Variants in AGAP1 observed in about 807,000 individuals in gnomAD.
AGAP1 encodes ArfGAP with GTPase domain, ankyrin repeat and PH domain 1.
AGAP1 carries 29 observed loss-of-function variants against 105.3 expected under a neutral mutation model. The ratio of observed to expected loss-of-function variants is 0.28; its 90% CI spans 0.21 to 0.38. AGAP1 has a LOEUF of 0.38. AGAP1 is among the 10% of genes least tolerant of loss of function. AGAP1 has a pLI of 1.00. For synonymous variants in AGAP1, 509 were observed against 485.9 expected (o/e 1.05, Z -0.63); for missense variants, 998 against 1,165.1 (o/e 0.86, Z 2.09).
rs772070111 is a variant in AGAP1, at chr2:235,964,878, C to T, written c.1484-3584C>T. Among the ~76,000 whole-genome samples, 2 of 152,122 alleles carry T rather than the reference C, an allele frequency of 1.3e-5. No homozygotes were observed. The highest frequency in any genetic ancestry group is 2.9e-5 in the Non-Finnish European group (2 of 68,014). The stretch of plus-strand genomic sequence containing the variant: ...TAAGGTAAGAACTGGACCAGGGGTA[C>T]GTGGTGCTTAAATGGAGAGCAGGCA... On this transcript the variant is annotated intron_variant, in intron 12 of 17. Coordinates refer to ENST00000304032, the MANE Select transcript of AGAP1 (RefSeq NM_001037131.3). The surrounding 1 kb of genome is among the most constrained non-coding windows in gnomAD (Gnocchi z 4.6).
rs901463087 is a variant in AGAP1 at position 236,121,768 on chromosome 2, CAG to C, written c.2370+1322_2370+1323del. Reference sequence around the variant, plus strand: ...GGCTGCCATAACAAAATACCACAGACAGGGGTGCTTCAACAACAGACATTTAT... The same window carrying C: ...GGCTGCCATAACAAAATACCACAGACGGGTGCTTCAACAACAGACATTTAT... On this transcript the variant is annotated intron_variant, in intron 17 of 17. Transcript: ENST00000304032. This position sits in a 1 kb window ranked among gnomAD's most constrained non-coding sequence, Gnocchi z 4.9. Among the ~76,000 whole-genome samples the C allele has an allele frequency of 5.9e-5, 9 of 152,316 alleles. No homozygotes were observed. The highest frequency in any genetic ancestry group is 2.0e-4 in the Admixed American group (3 of 15,310).
chr2:236,006,518 A>C (rs1559184356), intron 13 of AGAP1, among the ~76,000 whole-genome samples: 1 of 152,242 alleles, frequency 6.6e-6, no homozygotes, highest in Admixed American at 6.5e-5. Context: ...ATCTATATTT[A>C]ACAGATTTCA....
intron 2 of AGAP1, among the ~76,000 whole-genome samples, chr2:235,713,504 G>A (rs1353175874): frequency 6.6e-6 from 1 of 152,218 alleles, no homozygotes; most frequent in Non-Finnish European, 1.5e-5. Flanking sequence ...TCTGCCTTGG[G>A]CTCTGCATTA....
chr2:235,678,786 C>G (rs1948900057), intron 1 of AGAP1, among the ~76,000 whole-genome samples: 1 of 151,946 alleles, frequency 6.6e-6, no homozygotes. Flanking sequence ...TCACCTGAGA[C>G]GTAGTAAGAG....
At position 235,744,846 on chromosome 2, in the gene AGAP1, G is replaced by A. The variant is rs749589952; in HGVS notation, c.538+7G>A. ...GTTCTGGTGGGAACCCAGGGTGAGTGATGTTCGTGTGCAGATTGTTTTGAA... is the reference window on the plus strand; with the variant it reads ...GTTCTGGTGGGAACCCAGGGTGAGTAATGTTCGTGTGCAGATTGTTTTGAA... On this transcript the variant is annotated splice_region_variant and intron_variant, in intron 5 of 17. Coordinates refer to ENST00000304032, the MANE Select transcript of AGAP1 (RefSeq NM_001037131.3). This position sits in a 1 kb window ranked among gnomAD's most constrained non-coding sequence, Gnocchi z 5.2. 6 of 1,613,878 alleles carry A rather than the reference G, an allele frequency of 3.7e-6. No individual in the cohort carries two copies. The African/African-American group carries it at 8.0e-5, about 22-fold the overall frequency.
chr2:235,700,952 ATAT>A lies in AGAP1; in HGVS notation c.164-8223_164-8221del, dbSNP rs1017272928. Among the ~76,000 whole-genome samples the A allele has an allele frequency of 6.8e-6, 1 of 147,468 alleles. No individual in the cohort carries two copies. The highest frequency in any genetic ancestry group is 2.5e-5 in the African/African-American group (1 of 40,540). On this transcript the variant is annotated intron_variant, in intron 1 of 17. Coordinates refer to ENST00000304032, the MANE Select transcript of AGAP1 (RefSeq NM_001037131.3). The surrounding 1 kb of genome is among the most constrained non-coding windows in gnomAD (Gnocchi z 6.1). ...ACATGCTAGCATATTTGTAATATAT[ATAT>A]TATGTATTATGTATATATTATATAT...
chr2:235,749,704 C>A (rs1261509468), intron 5 of AGAP1, among the ~76,000 whole-genome samples: 1 of 152,180 alleles, frequency 6.6e-6, no homozygotes, highest in Non-Finnish European at 1.5e-5. Context: ...TGCTCTAAAA[C>A]CCAGAGTCAC....
At chr2:235,534,245 G>C (rs866358916) in intron 1 of AGAP1, among the ~76,000 whole-genome samples, 2 of 152,188 alleles carry the variant, frequency 1.3e-5, no homozygotes, top group Non-Finnish European at 2.9e-5. Flanking sequence ...GATAGCGTGC[G>C]CATGGTGGGG....
At chr2:235,593,685 T>G (rs1379154225) in intron 1 of AGAP1, among the ~76,000 whole-genome samples, 1 of 152,110 alleles carries the variant, frequency 6.6e-6, no homozygotes, top group African/African-American at 2.4e-5. Context: ...TAATAAGGAC[T>G]AGGCTTAGTG....
intron 6 of AGAP1, among the ~76,000 whole-genome samples, chr2:235,791,747 C>G (rs1280176730): frequency 6.6e-6 from 1 of 152,068 alleles, no homozygotes. Flanking sequence ...AAGGTTTCAC[C>G]ATGTTGACCA....
Position 236,058,255 on chromosome 2 carries a change from C to T in AGAP1, c.2114+8974C>T, listed in dbSNP as rs1003095512. Among the ~76,000 whole-genome samples, 4 of 152,312 alleles carry T rather than the reference C, an allele frequency of 2.6e-5. No individual in the cohort carries two copies. Among genetic ancestry groups the T allele is most frequent in the Admixed American group, 2.6e-4 (4 of 15,308 alleles). On this transcript the variant is annotated intron_variant, in intron 16 of 17. Coordinates refer to ENST00000304032, the MANE Select transcript of AGAP1 (RefSeq NM_001037131.3). This position sits in a 1 kb window ranked among gnomAD's most constrained non-coding sequence, Gnocchi z 4.6. ...ATCCAAGTCCCTGGACTTCATTCCT[C>T]ACTTCTTTAGACCCAGGTCTTCTGT...
At chr2:236,066,741 A>T (rs1480124741) in intron 16 of AGAP1, among the ~76,000 whole-genome samples, 5 of 152,202 alleles carry the variant, frequency 3.3e-5, no homozygotes, top group Non-Finnish European at 7.3e-5. Context: ...GTTGGTTTTG[A>T]TAACTGCATA....
At chr2:236,011,897 T>A (rs2056524690) in intron 13 of AGAP1, among the ~76,000 whole-genome samples, 1 of 151,982 alleles carries the variant, frequency 6.6e-6, no homozygotes, top group Non-Finnish European at 1.5e-5. Flanking sequence ...CCTGGTTCCA[T>A]TTGGCACAGT....
rs764944404 is a variant in AGAP1, at chr2:235,789,641, A to G, written c.674-8118A>G. On this transcript the variant is annotated intron_variant, in intron 6 of 17. Coordinates refer to ENST00000304032, the MANE Select transcript of AGAP1 (RefSeq NM_001037131.3). This position sits in a 1 kb window ranked among gnomAD's most constrained non-coding sequence, Gnocchi z 4.2. ...GTTTGCTCAAAAAAAAAATACATAT[A>G]TATAGTCATATTTTGTGCTTCGATA... Among the ~76,000 whole-genome samples the G allele has an allele frequency of 9.9e-5, 15 of 152,162 alleles. No homozygotes were observed. Among genetic ancestry groups the G allele is most frequent in the Non-Finnish European group, 1.9e-4 (13 of 68,032 alleles).
At chr2:236,010,140 T>C (rs1274641647) in intron 13 of AGAP1, among the ~76,000 whole-genome samples, 1 of 152,094 alleles carries the variant, frequency 6.6e-6, no homozygotes. Context: ...CAAAAAACTT[T>C]TAGAGAAACA....
chr2:235,765,503 G>A (rs1261861824), intron 6 of AGAP1, among the ~76,000 whole-genome samples: 3 of 152,166 alleles, frequency 2.0e-5, no homozygotes, highest in Non-Finnish European at 4.4e-5. Context: ...AACACTGTTC[G>A]TTTGGGGGCT....
At chr2:235,852,615 A>G in intron 9 of AGAP1, 1 of 1,314,732 alleles carries the variant, frequency 7.6e-7, no homozygotes, top group African/African-American at 1.5e-5. Flanking sequence ...TGAGTTTATA[A>G]TTAATTAGCC....
intron 9 of AGAP1, among the ~76,000 whole-genome samples, chr2:235,863,491 C>T (rs1043229333): frequency 2.6e-5 from 4 of 152,288 alleles, no homozygotes; most frequent in African/African-American, 2.4e-5. Flanking sequence ...GGCCTCCCGT[C>T]GAGTCCTCAG....
At position 235,496,700 on chromosome 2, in the gene AGAP1, C is replaced by T. The variant is rs544088195; in HGVS notation, c.163+1851C>T. Among the ~76,000 whole-genome samples, 58 of 152,234 alleles carry T rather than the reference C, an allele frequency of 3.8e-4. No homozygotes were observed. In the South Asian group the frequency reaches 0.012, roughly 31 times the overall value. ...GCTGAGCTCTGGGGCTCAAGCACTT[C>T]CAGCAAAGCAGTTTGACTTTCTAGC... On this transcript the variant is annotated intron_variant, in intron 1 of 17. Transcript: ENST00000304032.
Sources: gnomAD v4.1 joint callset for allele counts (sites outside exome capture counted in the v4.1 genomes callset) on GRCh38, gnomAD v4.1.1 for gene constraint, Gnocchi (gnomAD v3.1) non-coding constraint, MANE v1.5 for transcripts, NCBI Gene and HGNC (gene_info 2026-07-23, HGNC 2026-07-21) for gene names.